Variants in NMNAT2 observed in about 807,000 individuals in gnomAD.
NMNAT2 encodes nicotinamide/nicotinic acid mononucleotide adenylyltransferase 2.
A neutral mutation model predicts 41.6 loss-of-function variants in NMNAT2; 11 were observed. The observed-to-expected ratio is 0.26, with a 90% CI of 0.17 to 0.44. The LOEUF (loss-of-function observed/expected upper bound fraction) is 0.44, where lower values mean the gene tolerates loss of function less well. Ranked by LOEUF, NMNAT2 falls within the 20% of genes least tolerant of loss-of-function variation. NMNAT2 has a pLI of 1.00. For synonymous variants in NMNAT2, 148 were observed against 151.2 expected, an observed-to-expected ratio of 0.98 and a Z score of 0.16; for missense variants, 288 against 407.7, an observed-to-expected ratio of 0.71 and a Z score of 2.53.
intron 1 of NMNAT2, among the ~76,000 whole-genome samples, chr1:183,369,701 A>G (rs1176147923): frequency 6.6e-6 from 1 of 151,842 alleles, no homozygotes; most frequent in East Asian, 1.9e-4. Context: ...GCTGTCATCC[A>G]TTTTCAGCAC....
chr1:183,379,870 G>T (rs1663764410), intron 1 of NMNAT2, among the ~76,000 whole-genome samples: 3 of 152,164 alleles, frequency 2.0e-5, no homozygotes. Flanking sequence ...GATAAACAGA[G>T]AACCCATTTC....
At chr1:183,359,890 A>C (rs553124268) in intron 1 of NMNAT2, among the ~76,000 whole-genome samples, 1 of 152,206 alleles carries the variant, frequency 6.6e-6, no homozygotes, top group South Asian at 2.1e-4. Context: ...ATAATGATAG[A>C]TTTTTTCTCA....
At chr1:183,321,661 G>C (rs993749277) in intron 1 of NMNAT2, among the ~76,000 whole-genome samples, 1 of 151,942 alleles carries the variant, frequency 6.6e-6, no homozygotes, top group African/African-American at 2.4e-5. Context: ...AGAATAGCTT[G>C]AACCTGGGAG....
At chr1:183,329,662 T>G (rs980098853) in intron 1 of NMNAT2, among the ~76,000 whole-genome samples, 6 of 152,298 alleles carry the variant, frequency 3.9e-5, no homozygotes, top group Non-Finnish European at 7.4e-5. Flanking sequence ...TGCCCACCCA[T>G]CACCTTTTTG....
At chr1:183,303,224 A>C (rs1341203299) in intron 1 of NMNAT2, among the ~76,000 whole-genome samples, 1 of 152,208 alleles carries the variant, frequency 6.6e-6, no homozygotes, top group African/African-American at 2.4e-5. Flanking sequence ...GCAACTTTGC[A>C]AAACTGAGGG....
intron 8 of NMNAT2, among the ~76,000 whole-genome samples, chr1:183,271,299 C>A (rs924818560): frequency 5.3e-5 from 8 of 152,134 alleles, no homozygotes; most frequent in African/African-American, 1.7e-4. Flanking sequence ...CCTATTTCAA[C>A]CAACCAGAAC....
intron 7 of NMNAT2, among the ~76,000 whole-genome samples, chr1:183,279,331 C>G (rs1422835503): frequency 6.6e-6 from 1 of 152,208 alleles, no homozygotes; most frequent in African/African-American, 2.4e-5. Context: ...AACTGACTCA[C>G]TTATTAAAAC....
At chr1:183,413,322 C>A (rs759681874) in intron 1 of NMNAT2, among the ~76,000 whole-genome samples, 1 of 152,088 alleles carries the variant, frequency 6.6e-6, no homozygotes, top group Non-Finnish European at 1.5e-5. Flanking sequence ...TGGGCTCAAG[C>A]GGACCTTTCA....
chr1:183,337,836 G>A (rs1192574617), intron 1 of NMNAT2, among the ~76,000 whole-genome samples: 1 of 152,078 alleles, frequency 6.6e-6, no homozygotes, highest in Non-Finnish European at 1.5e-5. Flanking sequence ...GATTCTAGAT[G>A]TCACAAACCT....
At chr1:183,276,581 C>T (rs1403640828) in intron 8 of NMNAT2, among the ~76,000 whole-genome samples, 1 of 152,226 alleles carries the variant, frequency 6.6e-6, no homozygotes, top group Admixed American at 6.5e-5. Context: ...AGGCTCCTCA[C>T]CCATCACACT....
intron 1 of NMNAT2, among the ~76,000 whole-genome samples, chr1:183,417,194 G>A (rs1050539102): frequency 6.6e-5 from 10 of 152,194 alleles, no homozygotes; most frequent in African/African-American, 2.4e-4. Flanking sequence ...CCGGTGGCGC[G>A]AGACCTCCAA....
chr1:183,376,912 A>C (rs961184024), intron 1 of NMNAT2, among the ~76,000 whole-genome samples: 1 of 152,106 alleles, frequency 6.6e-6, no homozygotes, highest in African/African-American at 2.4e-5. Flanking sequence ...ACTATCAAAA[A>C]TAAGGTTCTC....
chr1:183,397,763 T>C (rs988409073), intron 1 of NMNAT2, among the ~76,000 whole-genome samples: 3 of 152,192 alleles, frequency 2.0e-5, no homozygotes, highest in East Asian at 1.9e-4. Context: ...ATTCAACATT[T>C]TTAAAGAAAA....
chr1:183,306,084 A>G (rs1179300316), intron 1 of NMNAT2, among the ~76,000 whole-genome samples: 4 of 152,130 alleles, frequency 2.6e-5, no homozygotes, highest in Non-Finnish European at 5.9e-5. Flanking sequence ...GAATATCTTC[A>G]TGGAACAGAG....
intron 1 of NMNAT2, among the ~76,000 whole-genome samples, chr1:183,305,835 C>A (rs919075837): frequency 2.0e-5 from 3 of 151,552 alleles, no homozygotes; most frequent in Non-Finnish European, 4.4e-5. Context: ...ATTCTCCCGC[C>A]TTAGCCTTCC....
intron 1 of NMNAT2, among the ~76,000 whole-genome samples, chr1:183,296,982 A>T (rs1052493994): frequency 1.1e-4 from 17 of 151,872 alleles, no homozygotes; most frequent in African/African-American, 4.1e-4. Flanking sequence ...GGTCATTTCT[A>T]TCTGGCCCTT....
intron 1 of NMNAT2, among the ~76,000 whole-genome samples, chr1:183,325,093 G>T (rs550810314): frequency 2.0e-5 from 3 of 152,182 alleles, no homozygotes; most frequent in African/African-American, 7.2e-5. Context: ...GTGACTGGGG[G>T]CCCTGGCCCA....
intron 1 of NMNAT2, among the ~76,000 whole-genome samples, chr1:183,405,221 A>T (rs1238788748): frequency 1.3e-5 from 2 of 151,892 alleles, no homozygotes; most frequent in Non-Finnish European, 2.9e-5. Flanking sequence ...CTCTGTCTTT[A>T]AAAAAAATGA....
chr1:183,356,781 T>C (rs1663198601), intron 1 of NMNAT2, among the ~76,000 whole-genome samples: 2 of 152,228 alleles, frequency 1.3e-5, no homozygotes, highest in Admixed American at 1.3e-4. Context: ...TTTATAGCAG[T>C]AGAAGATAGA....
Sources: allele counts gnomAD v4.1 joint callset (sites outside exome capture counted in the v4.1 genomes callset), GRCh38; gene constraint gnomAD v4.1.1; transcripts MANE v1.5; gene names NCBI Gene and HGNC (gene_info 2026-07-23, HGNC 2026-07-21).